The following CFAP44 variants were observed in gnomAD, a reference collection of about 807,000 sequenced individuals.
CFAP44 encodes the protein cilia- and flagella-associated protein 44.
In CFAP44, 134 loss-of-function variants were observed where a neutral mutation model predicts 216.2. The observed-to-expected ratio is 0.62, with a 90% CI of 0.54 to 0.72. The LOEUF is 0.72. CFAP44 is among the 30% of genes least tolerant of loss of function. The pLI is 0.00. For synonymous variants in CFAP44, 700 were observed against 727.6 expected (o/e 0.96, Z 0.61); for missense variants, 2,035 against 2,182.1 (o/e 0.93, Z 1.34).
intron 31 of CFAP44, 50 bp downstream of exon 31, chr3:113,304,986 T>C: frequency 6.8e-7 from 1 of 1,479,104 alleles, no homozygotes; most frequent in Non-Finnish European, 9.1e-7. Context: ...AAAGCTTGGG[T>C]GTGATGACTC....
chr3:113,351,947 T>C (rs756099419), intron 22 of CFAP44, among the ~76,000 whole-genome samples: 3 of 152,014 alleles, frequency 2.0e-5, no homozygotes, highest in Non-Finnish European at 4.4e-5. Flanking sequence ...ACCTAGAGAG[T>C]TACCCTCTGG....
intron 13 of CFAP44, among the ~76,000 whole-genome samples, chr3:113,398,101 T>G (rs1934039790): frequency 6.6e-6 from 1 of 152,132 alleles, no homozygotes; most frequent in African/African-American, 2.4e-5. Context: ...TTGAATGTTG[T>G]TTATCCAATA....
chr3:113,328,696 TAAAAAAAAAAAA>T (rs58650082), intron 26 of CFAP44, among the ~76,000 whole-genome samples: 23 of 28,572 alleles, frequency 8.0e-4, no homozygotes, highest in South Asian at 6.5e-3. Flanking sequence ...TTAGAGAGCT[TAAAAAAAAAAAA>T]AAAAAAAAAA....
At chr3:113,311,275 G>A (rs1253188682) in intron 28 of CFAP44, among the ~76,000 whole-genome samples, 1 of 152,170 alleles carries the variant, frequency 6.6e-6, no homozygotes, top group African/African-American at 2.4e-5. Flanking sequence ...AAGTGATATG[G>A]TTTGGCTCTG....
At chr3:113,396,002 T>C in intron 14 of CFAP44, 142 bp from the exon 15 acceptor site, 1 of 608,068 alleles carries the variant, frequency 1.6e-6, no homozygotes, top group Non-Finnish European at 2.7e-6. Context: ...AATTCTTATT[T>C]CTAAAACTTG....
intron 24 of CFAP44, among the ~76,000 whole-genome samples, chr3:113,334,938 C>T (rs1950270025): frequency 1.3e-5 from 2 of 152,074 alleles, no homozygotes; most frequent in Non-Finnish European, 2.9e-5. Context: ...ACATAGCTCT[C>T]ACAGGAAACC....
intron 28 of CFAP44, among the ~76,000 whole-genome samples, chr3:113,323,228 A>G (rs906277925): frequency 4.6e-5 from 7 of 152,202 alleles, no homozygotes; most frequent in African/African-American, 9.7e-5. Flanking sequence ...GTGCCTATCA[A>G]TGGTGGGTTG....
At chr3:113,297,440 T>C (rs933797458) in intron 32 of CFAP44, among the ~76,000 whole-genome samples, 5 of 152,016 alleles carry the variant, frequency 3.3e-5, no homozygotes, top group Admixed American at 1.3e-4. Context: ...CCTCATTTCC[T>C]CCTATCTGAA....
At chr3:113,406,023 A>C (rs1934267637) in intron 8 of CFAP44, among the ~76,000 whole-genome samples, 1 of 152,234 alleles carries the variant, frequency 6.6e-6, no homozygotes, top group African/African-American at 2.4e-5. Flanking sequence ...TGAGATTATC[A>C]CAAATAATAA....
chr3:113,330,186 T>C lies in CFAP44; in HGVS notation c.4098A>G (p.Gln1366=), dbSNP rs1950228384. The C allele has an allele frequency of 3.3e-6, 5 of 1,535,538 alleles. No individual in the cohort carries two copies. The highest frequency in any genetic ancestry group is 2.4e-5 in the South Asian group (2 of 83,636). ...CCCTTACCCTGTTGACCAAATACTGTTGCATGTACACGTGTTTAATCTCGT... is the reference window on the plus strand; with the variant it reads ...CCCTTACCCTGTTGACCAAATACTGCTGCATGTACACGTGTTTAATCTCGT... ...KRDEIKHVYM[Q]QYLVNRIKEL... The change falls in exon 26 of 35, where the codon CAA becomes CAG. Residue 1366 remains glutamine (Q), a synonymous_variant. Transcript: ENST00000393845.
At chr3:113,437,693 A>T (rs746095711) in intron 1 of CFAP44, among the ~76,000 whole-genome samples, 13 of 152,224 alleles carry the variant, frequency 8.5e-5, no homozygotes, top group African/African-American at 2.9e-4. Flanking sequence ...AGAACCTGTA[A>T]AAAGCAGTGG....
intron 32 of CFAP44, 87 bp from the exon 33 acceptor site, chr3:113,296,972 T>G: frequency 7.0e-7 from 1 of 1,424,926 alleles, no homozygotes; most frequent in South Asian, 1.2e-5. Context: ...TCTAAGGAAC[T>G]GCTTTTGCAA....
intron 22 of CFAP44, among the ~76,000 whole-genome samples, chr3:113,347,523 T>C (rs1293783715): frequency 2.0e-5 from 3 of 152,058 alleles, no homozygotes; most frequent in South Asian, 2.1e-4. Context: ...GTTTCTCCTA[T>C]AATGATTTCT....
At chr3:113,409,006 CAAAAAA>C (rs56301009) in intron 7 of CFAP44, 94 bp downstream of exon 7, 344 of 319,106 alleles carry the variant, frequency 1.1e-3, no homozygotes, top group Middle Eastern at 1.9e-3. Flanking sequence ...ACCAAAACAG[CAAAAAA>C]AAAAAAAAAA....
chr3:113,309,145 C>A (rs1950014186), intron 28 of CFAP44, among the ~76,000 whole-genome samples: 1 of 152,124 alleles, frequency 6.6e-6, no homozygotes, highest in Non-Finnish European at 1.5e-5. Context: ...TGTCCTTAAC[C>A]TATTTAGTCC....
At chr3:113,311,651 T>C (rs1341747914) in intron 28 of CFAP44, among the ~76,000 whole-genome samples, 1 of 152,140 alleles carries the variant, frequency 6.6e-6, no homozygotes, top group Non-Finnish European at 1.5e-5. Flanking sequence ...AGTGGGGCGC[T>C]GTTGAACAGA....
rs1576583392 is a variant in CFAP44 at position 113,385,524 on chromosome 3, G to C, written c.1891-4464C>G. On this transcript the variant is annotated intron_variant, in intron 15 of 34. Coordinates refer to ENST00000393845, the MANE Select transcript of CFAP44 (RefSeq NM_001164496.2). Reference sequence around the variant, plus strand: ...AAAACAACATTTGATCTATCCCAGAGAAAGTTCCATATCACTTGAGAAGAA... The same window carrying C: ...AAAACAACATTTGATCTATCCCAGACAAAGTTCCATATCACTTGAGAAGAA... 5.3e-5 allele frequency among the ~76,000 whole-genome samples: 8 copies of C among 152,224 alleles called. No individual in the cohort carries two copies. The South Asian group carries it at 1.7e-3, about 32-fold the overall frequency.
intron 9 of CFAP44, 121 bp downstream of exon 9, chr3:113,403,731 C>G (rs1009937222): frequency 3.7e-6 from 4 of 1,072,836 alleles, no homozygotes; most frequent in African/African-American, 3.2e-5. Context: ...AGTGAGTTGG[C>G]CTTGGGAGTA....
intron 18 of CFAP44, among the ~76,000 whole-genome samples, chr3:113,367,056 G>C (rs1932969208): frequency 6.6e-6 from 1 of 151,730 alleles, no homozygotes; most frequent in Non-Finnish European, 1.5e-5. Flanking sequence ...AAAGCGGTTG[G>C]GAAGCTCTAA....
Sources: gnomAD v4.1 joint callset for allele counts (sites outside exome capture counted in the v4.1 genomes callset) on GRCh38, gnomAD v4.1.1 for gene constraint, MANE v1.5 for transcripts, NCBI Gene and HGNC (gene_info 2026-07-23, HGNC 2026-07-21) for gene names.